Variants in TRIM59 observed in about 807,000 individuals in gnomAD.
TRIM59 encodes tripartite motif-containing protein 59.
A neutral mutation model predicts 32.2 loss-of-function variants in TRIM59; 14 were observed. The ratio of observed to expected loss-of-function variants is 0.43; its 90% CI spans 0.29 to 0.68. The LOEUF (loss-of-function observed/expected upper bound fraction) is 0.68. Ranked by LOEUF, TRIM59 falls within the 30% of genes least tolerant of loss-of-function variation. TRIM59 has a pLI of 0.15. For missense variants in TRIM59, 471 were observed against 463.3 expected (o/e 1.02, Z -0.15); for synonymous variants, 163 against 155.1 (o/e 1.05, Z -0.38).
chr3:160,440,873 C>T (rs144668430), intron 2 of TRIM59, among the ~76,000 whole-genome samples: 36 of 152,002 alleles, frequency 2.4e-4, no homozygotes, highest in African/African-American at 7.7e-4. Flanking sequence ...ATTACACCAC[C>T]GCACTCATCT....
In TRIM59 at chr3:160,436,389, GA is replaced by G; in HGVS notation, c.*1582del. 1.0e-6 allele frequency: 1 copy of G among 986,124 alleles called. No homozygotes were observed. Among genetic ancestry groups the G allele is most frequent in the Non-Finnish European group, 1.2e-6 (1 of 830,156 alleles). The allele number at this position is 986,124 out of a possible 1,614,324, so 61.1% of individuals were successfully genotyped here. A position where few individuals can be genotyped will look rare whatever the true frequency, so the allele number is the denominator to read the frequency against. ...TGGAAAGCAAATCAACCTGCACTTA[GA>G]GTTGCATGGACAGTGGGCCAAAAGT... On this transcript the variant is annotated 3_prime_UTR_variant, in exon 3 of 3. Transcript: ENST00000309784.
At chr3:160,442,266 C>A (rs1240402529) in intron 2 of TRIM59, among the ~76,000 whole-genome samples, 1 of 152,050 alleles carries the variant, frequency 6.6e-6, no homozygotes, top group African/African-American at 2.4e-5. Flanking sequence ...CTTAGGGGCC[C>A]AAAAGCTCAA....
In TRIM59 at chr3:160,437,499, T is replaced by A; in HGVS notation, c.*473A>T. ...GATCAAAAGATCTTTAAGCCATGCC[T>A]TATCACTTTAAGACTTTGTTGCTTG... On this transcript the variant is annotated 3_prime_UTR_variant, in exon 3 of 3. Coordinates refer to ENST00000309784, the MANE Select transcript of TRIM59 (RefSeq NM_173084.3). 1.0e-6 allele frequency: 1 copy of A among 985,596 alleles called. No homozygotes were observed. The highest frequency in any genetic ancestry group is 1.2e-6 in the Non-Finnish European group (1 of 830,022). The allele number at this position is 985,596 out of a possible 1,614,324, so 61.1% of individuals were successfully genotyped here.
In TRIM59 at chr3:160,437,265, G is replaced by T; in HGVS notation, c.*707C>A. ...GCTGCTCCAGAGGCAGAGGCGGGAG[G>T]ATCGATTGAGCCTGGGTGGTCGAAA... On this transcript the variant is annotated 3_prime_UTR_variant, in exon 3 of 3. Transcript: ENST00000309784. 1 of 641,670 alleles carries T rather than the reference G, an allele frequency of 1.6e-6. No individual in the cohort carries two copies. Among genetic ancestry groups the T allele is most frequent in the Non-Finnish European group, 1.9e-6 (1 of 516,420 alleles). 39.7% of individuals were successfully genotyped at this position (641,670 alleles called of 1,614,324 possible).
At chr3:160,449,312 G>A (rs17236480) in intron 1 of TRIM59, 4,304 of 290,358 alleles carry the variant, frequency 0.015, 56 homozygotes, top group Non-Finnish European at 0.021. Flanking sequence ...TAAGTCCTGC[G>A]AGCACCTCCC....
At position 160,446,387 on chromosome 3, in the gene TRIM59, G is replaced by C. The variant is rs1719529098; in HGVS notation, c.-4+2339C>G. ...ACTGATGTAAAATTCTAAATACAAT[G>C]TTAGCAAAAACAAACACAGGAGTAC... On this transcript the variant is annotated intron_variant, in intron 2 of 2. Coordinates refer to ENST00000309784, the MANE Select transcript of TRIM59 (RefSeq NM_173084.3). 2.0e-5 allele frequency among the ~76,000 whole-genome samples: 3 copies of C among 151,840 alleles called. No individual in the cohort carries two copies. The South Asian group carries it at 6.2e-4, about 32-fold the overall frequency.
rs1273228353 is a variant in TRIM59 at position 160,436,575 on chromosome 3, G to T, written c.*1397C>A. ...GCATTTTGGGAGGCTGAGGCGAGTG[G>T]ATCATGAGGTCAGGAGATAGAGACC... is the stretch of plus-strand genomic sequence containing the variant. On this transcript the variant is annotated 3_prime_UTR_variant, in exon 3 of 3. Coordinates refer to ENST00000309784, the MANE Select transcript of TRIM59 (RefSeq NM_173084.3). 3 of 937,650 alleles carry T rather than the reference G, an allele frequency of 3.2e-6. No homozygotes were observed. The highest frequency in any genetic ancestry group is 1.2e-4 in the East Asian group (1 of 8,622). The allele number at this position is 937,650 out of a possible 1,614,324, so 58.1% of individuals were successfully genotyped here. A position where few individuals can be genotyped will look rare whatever the true frequency, so the allele number is the denominator to read the frequency against.
chr3:160,449,360 C>T, intron 1 of TRIM59: 1 of 524,526 alleles, frequency 1.9e-6, no homozygotes, highest in Non-Finnish European at 2.8e-6. Context: ...TTCCCTTCCC[C>T]TTCTCAAAGC....
intron 2 of TRIM59, among the ~76,000 whole-genome samples, chr3:160,441,788 G>A (rs902154352): frequency 2.0e-4 from 29 of 147,508 alleles, no homozygotes; most frequent in Admixed American, 4.7e-4. Context: ...AAGAAAAAAA[G>A]CACTCCATTC....
Position 160,438,624 on chromosome 3 carries a change from T to C in TRIM59, c.560A>G (p.Gln187Arg). The change falls in exon 3 of 3, where the codon CAG becomes CGG. Residue 187 changes from glutamine to arginine, a missense_variant. By Grantham distance (43) the Gln-to-Arg change is conservative (BLOSUM62 1). Coordinates refer to ENST00000309784, the MANE Select transcript of TRIM59 (RefSeq NM_173084.3). ...TGTATCATTAAGCTCCTTAAAATAC[T>C]GGAGAACAGCTTCCTTATCGCCTTG... ...MIQGDKEAVL[Q>R]YFKELNDTLE... 1.2e-6 allele frequency: 2 copies of C among 1,612,448 alleles called. 1 individual carries two copies. Among genetic ancestry groups the C allele is most frequent in the South Asian group, 2.2e-5 (2 of 90,618 alleles).
In TRIM59 at chr3:160,436,650, T is replaced by C. The variant is rs1360882690; in HGVS notation, c.*1322A>G. 3.9e-5 allele frequency: 23 copies of C among 589,986 alleles called. No homozygotes were observed. Among genetic ancestry groups the C allele is most frequent in the African/African-American group, 8.1e-5 (4 of 49,602 alleles). The allele number at this position is 589,986 out of a possible 1,614,324, so 36.5% of individuals were successfully genotyped here. On this transcript the variant is annotated 3_prime_UTR_variant, in exon 3 of 3. Coordinates refer to ENST00000309784, the MANE Select transcript of TRIM59 (RefSeq NM_173084.3). The stretch of plus-strand genomic sequence containing the variant: ...CATCTCTACTAAAAATACAGAAAAT[T>C]AGCTGGGCGTGGTAGCAGATGCCTG...
chr3:160,445,509 C>G (rs912861486), intron 2 of TRIM59, among the ~76,000 whole-genome samples: 1 of 152,094 alleles, frequency 6.6e-6, no homozygotes, highest in Non-Finnish European at 1.5e-5. Context: ...CACTGTGGCT[C>G]ACACCTGCAA....
At position 160,449,761 on chromosome 3, in the gene TRIM59, AGCGCCACGAGCTCCAGGCG is replaced by A; in HGVS notation, c.-137_-119del. 2 of 1,281,554 alleles carry A rather than the reference AGCGCCACGAGCTCCAGGCG, an allele frequency of 1.6e-6. No homozygotes were observed. The highest frequency in any genetic ancestry group is 2.0e-6 in the Non-Finnish European group (2 of 981,354). The allele number at this position is 1,281,554 out of a possible 1,614,324, so 79.4% of individuals were successfully genotyped here. A position where few individuals can be genotyped will look rare whatever the true frequency, so the allele number is the denominator to read the frequency against. On this transcript the variant is annotated 5_prime_UTR_variant, in exon 1 of 3. Transcript: ENST00000309784. Reference sequence around the variant, plus strand: ...AGGCAACTCCACAGCACGGAAACACAGCGCCACGAGCTCCAGGCGGATGCTGAGAGCCGCCCCGAGTCCC... The same window carrying A: ...AGGCAACTCCACAGCACGGAAACACAGATGCTGAGAGCCGCCCCGAGTCCC...
At chr3:160,439,731 G>A (rs1369319665) in intron 2 of TRIM59, among the ~76,000 whole-genome samples, 1 of 152,134 alleles carries the variant, frequency 6.6e-6, no homozygotes, top group African/African-American at 2.4e-5. Flanking sequence ...GGTCTCCCCA[G>A]CCATGTGGAA....
At chr3:160,447,678 T>C (rs780423842) in intron 2 of TRIM59, 6 of 152,240 alleles carry the variant, frequency 3.9e-5, no homozygotes, top group African/African-American at 7.2e-5. Flanking sequence ...ACATGAACAG[T>C]TGTAAAACGT....
At chr3:160,443,670 GCT>G (rs1719373722) in intron 2 of TRIM59, among the ~76,000 whole-genome samples, 2 of 151,616 alleles carry the variant, frequency 1.3e-5, no homozygotes, top group Admixed American at 1.3e-4. Context: ...ACAGAGTCTC[GCT>G]CTGTCGCCCA....
chr3:160,443,324 A>G (rs1369837982), intron 2 of TRIM59, among the ~76,000 whole-genome samples: 3 of 112,486 alleles, frequency 2.7e-5, no homozygotes, highest in Non-Finnish European at 7.0e-5. Flanking sequence ...TCCAAACAGT[A>G]AAAACATCAG....
chr3:160,449,444 C>G (rs1415965339), intron 1 of TRIM59: 1 of 1,165,624 alleles, frequency 8.6e-7, no homozygotes, highest in African/African-American at 1.6e-5. Flanking sequence ...GCGGGACTGA[C>G]CGACTCGGCG....
At chr3:160,439,773 A>G (rs1177403286) in intron 2 of TRIM59, among the ~76,000 whole-genome samples, 1 of 152,204 alleles carries the variant, frequency 6.6e-6, no homozygotes, top group Non-Finnish European at 1.5e-5. Context: ...TTTTCCTTAT[A>G]AATTACCCAG....
Sources: gnomAD v4.1 joint callset for allele counts (sites outside exome capture counted in the v4.1 genomes callset) on GRCh38, gnomAD v4.1.1 for gene constraint, MANE v1.5 for transcripts, NCBI Gene and HGNC (gene_info 2026-07-23, HGNC 2026-07-21) for gene names.